The following ONECUT2 variants were observed in gnomAD, a reference collection of about 807,000 sequenced individuals.
ONECUT2 encodes one cut domain family member 2.
In ONECUT2, 10 loss-of-function variants were observed where a neutral mutation model predicts 27.9. The ratio of observed to expected loss-of-function variants is 0.36; its 90% confidence interval spans 0.22 to 0.61. The LOEUF is 0.61. ONECUT2 is among the 20% of genes least tolerant of loss of function. The pLI is 0.73. For missense variants in ONECUT2, 686 were observed against 721.0 expected, an observed-to-expected ratio of 0.95 and a Z score of 0.56; for synonymous variants, 334 against 315.1, an observed-to-expected ratio of 1.06 and a Z score of -0.64.
At position 57,436,678 on chromosome 18, in the gene ONECUT2, G is replaced by T. The variant is rs772464898; in HGVS notation, c.962G>T (p.Gly321Val). The T allele has an allele frequency of 1.9e-6, 3 of 1,613,052 alleles. No homozygotes were observed. The highest frequency in any genetic ancestry group is 2.2e-5 in the East Asian group (1 of 44,892). Residue 321 changes from glycine to valine, a missense_variant, in exon 1 of 2, where the codon GGC (glycine) becomes GTC (valine). Gly to Val is a moderately radical substitution (Grantham distance 109). Transcript: ENST00000491143. The surrounding 1 kb of genome is among the most constrained non-coding windows in gnomAD (Gnocchi z 5.9). Reference sequence around the variant, plus strand: ...GAGCGGCCACCCTCGTCCTCATCGGGCTCGCAGGTGGCCACGTCGGGCCAG... The same window carrying T: ...GAGCGGCCACCCTCGTCCTCATCGGTCTCGCAGGTGGCCACGTCGGGCCAG... ...SRERPPSSSS[G>V]SQVATSGQLE...
At position 57,482,649 on chromosome 18, in the gene ONECUT2, AC is replaced by A; in HGVS notation, c.*5927del. The A allele has an allele frequency of 6.6e-6, 1 of 152,342 alleles. No homozygotes were observed. The highest frequency in any genetic ancestry group is 1.9e-4 in the East Asian group (1 of 5,186). 9.4% of individuals were successfully genotyped at this position (152,342 alleles called of 1,614,324 possible). A position where few individuals can be genotyped will look rare whatever the true frequency, so the allele number is the denominator to read the frequency against. On this transcript the variant is annotated 3_prime_UTR_variant, in exon 2 of 2. Transcript: ENST00000491143. The stretch of plus-strand genomic sequence containing the variant: ...GCAGATAAGTGTGCCTAAGGTTTAT[AC>A]AGTCTGTCCGCTTGGATGTATACAA...
intron 1 of ONECUT2, among the ~76,000 whole-genome samples, chr18:57,468,018 A>T (rs1269552894): frequency 6.6e-6 from 1 of 152,236 alleles, no homozygotes; most frequent in Admixed American, 6.5e-5. Context: ...TAGGTGGTTC[A>T]CGCTGGAGTA....
intron 1 of ONECUT2, among the ~76,000 whole-genome samples, chr18:57,473,917 C>T (rs2050367921): frequency 6.6e-6 from 1 of 152,178 alleles, no homozygotes; most frequent in African/African-American, 2.4e-5. Flanking sequence ...AAGAAGAAAT[C>T]ATTACCGGTA....
chr18:57,465,625 T>A (rs1407580059), intron 1 of ONECUT2, among the ~76,000 whole-genome samples: 1 of 152,240 alleles, frequency 6.6e-6, no homozygotes, highest in Non-Finnish European at 1.5e-5. Flanking sequence ...CTGGAAGATA[T>A]TATCTGGTAA....
intron 1 of ONECUT2, among the ~76,000 whole-genome samples, chr18:57,448,567 C>T (rs1481374643): frequency 2.0e-5 from 3 of 152,216 alleles, no homozygotes; most frequent in Admixed American, 2.0e-4. Context: ...TTTCTTCCAG[C>T]TGTGTAGTCT....
Position 57,479,037 on chromosome 18 carries a change from A to G in ONECUT2, c.*2314A>G, listed in dbSNP as rs1189353682. ...TGCTCAGCAGAGGGTAGGGAATAAC[A>G]TTATCACTTGAATGTTCTTTGCTTA... On this transcript the variant is annotated 3_prime_UTR_variant, in exon 2 of 2. Transcript: ENST00000491143. 6.6e-6 allele frequency: 1 copy of G among 152,562 alleles called. No homozygotes were observed. The highest frequency in any genetic ancestry group is 6.5e-5 in the Admixed American group (1 of 15,278). 9.5% of individuals were successfully genotyped at this position (152,562 alleles called of 1,614,324 possible).
chr18:57,447,083 G>A (rs1568119347), intron 1 of ONECUT2, among the ~76,000 whole-genome samples: 1 of 152,348 alleles, frequency 6.6e-6, no homozygotes, highest in East Asian at 1.9e-4. Context: ...CCCCTGGAAA[G>A]AGAAAAAGTG....
At chr18:57,456,898 C>T (rs759033516) in intron 1 of ONECUT2, among the ~76,000 whole-genome samples, 1 of 152,140 alleles carries the variant, frequency 6.6e-6, no homozygotes, top group Non-Finnish European at 1.5e-5. Context: ...ATTGCTTGAG[C>T]CTGAGTTCTG....
At position 57,436,770 on chromosome 18, in the gene ONECUT2, C is replaced by T. The variant is rs1296744384; in HGVS notation, c.1054C>T (p.Pro352Ser). 6.2e-7 allele frequency: 1 copy of T among 1,613,920 alleles called. No homozygotes were observed. The highest frequency in any genetic ancestry group is 1.3e-5 in the African/African-American group (1 of 74,950). The change falls in exon 1 of 2, where the codon CCC becomes TCC. Residue 352 changes from proline to serine, a missense_variant. Around this residue, in one of 4 missense-constraint regions of ONECUT2, gnomAD observed 47 missense variants for 86.0 expected, o/e 0.55. Transcript: ENST00000491143. The surrounding 1 kb of genome is among the most constrained non-coding windows in gnomAD (Gnocchi z 5.9). The part of the protein sequence containing the change: ...ITAELKRYSI[P>S]QAIFAQRVLC... Reference sequence around the variant, plus strand: ...AGCGGAGCTGAAGCGCTACAGTATCCCCCAGGCGATCTTTGCGCAGAGGGT... The same window carrying T: ...AGCGGAGCTGAAGCGCTACAGTATCTCCCAGGCGATCTTTGCGCAGAGGGT...
chr18:57,489,404 G>A lies in ONECUT2; in HGVS notation c.*12681G>A, dbSNP rs1419566181. ...TTTGCTCCCATCTCAGGGGGCAGGG[G>A]CAGTGCACATTGCCTATGCTGTTGA... On this transcript the variant is annotated 3_prime_UTR_variant, in exon 2 of 2. Coordinates refer to ENST00000491143, the MANE Select transcript of ONECUT2 (RefSeq NM_004852.3). The A allele has an allele frequency of 6.6e-6, 1 of 152,196 alleles. No individual in the cohort carries two copies. The highest frequency in any genetic ancestry group is 1.5e-5 in the Non-Finnish European group (1 of 68,062). The allele number at this position is 152,196 out of a possible 1,614,324, so 9.4% of individuals were successfully genotyped here. A position where few individuals can be genotyped will look rare whatever the true frequency, so the allele number is the denominator to read the frequency against.
intron 1 of ONECUT2, among the ~76,000 whole-genome samples, chr18:57,464,894 G>T (rs1022201244): frequency 2.6e-5 from 4 of 152,154 alleles, no homozygotes; most frequent in Non-Finnish European, 2.9e-5. Context: ...TAGTAAGCTA[G>T]AGTATGTCTT....
chr18:57,436,030 C>G lies in ONECUT2; in HGVS notation c.314C>G (p.Ala105Gly). The G allele has an allele frequency of 6.4e-7, 1 of 1,569,776 alleles. No individual in the cohort carries two copies. The highest frequency in any genetic ancestry group is 8.6e-7 in the Non-Finnish European group (1 of 1,163,764). Residue 105 changes from alanine (A) to glycine (G), a missense_variant, in exon 1 of 2, where the codon GCC (alanine) becomes GGC (glycine). This residue lies in a region of ONECUT2 where 511 missense variants were observed against 488.1 expected (regional missense o/e 1.05). Coordinates refer to ENST00000491143, the MANE Select transcript of ONECUT2 (RefSeq NM_004852.3). This position sits in a 1 kb window ranked among gnomAD's most constrained non-coding sequence, Gnocchi z 5.9. The stretch of plus-strand genomic sequence containing the variant: ...GCGGCAGCGGCGGCGTCGCGCTCGG[C>G]CATGGTCACCAGCATGGCCTCGATC... ...AAAAAAASRS[A>G]MVTSMASILD...
intron 1 of ONECUT2, among the ~76,000 whole-genome samples, chr18:57,447,702 A>G (rs2050208430): frequency 6.6e-6 from 1 of 152,086 alleles, no homozygotes; most frequent in Non-Finnish European, 1.5e-5. Context: ...CCCCAGGTAT[A>G]CACAAACGGA....
rs940965410 is a variant in ONECUT2 at position 57,478,499 on chromosome 18, A to C, written c.*1776A>C. ...ATGGAAATCACCACCAATAAGAAGG[A>C]AGCACGCCAGAAAATAAACGAAAAC... On this transcript the variant is annotated 3_prime_UTR_variant, in exon 2 of 2. Transcript: ENST00000491143. 19 of 152,672 alleles carry C rather than the reference A, an allele frequency of 1.2e-4. No individual in the cohort carries two copies. Among genetic ancestry groups the C allele is most frequent in the African/African-American group, 4.3e-4 (18 of 41,474 alleles). The allele number at this position is 152,672 out of a possible 1,614,324, so 9.5% of individuals were successfully genotyped here. A position where few individuals can be genotyped will look rare whatever the true frequency, so the allele number is the denominator to read the frequency against.
intron 1 of ONECUT2, among the ~76,000 whole-genome samples, chr18:57,442,098 TGG>T (rs60622638): frequency 0.1 from 15,483 of 152,002 alleles, 965 homozygotes; most frequent in South Asian, 0.17. Flanking sequence ...TTCCCGCTTG[TGG>T]GGGACACCAC....
chr18:57,465,515 A>C (rs758932911), intron 1 of ONECUT2, among the ~76,000 whole-genome samples: 4 of 151,980 alleles, frequency 2.6e-5, no homozygotes, highest in Non-Finnish European at 5.9e-5. Context: ...ACAAATTGCT[A>C]TTTTCTTCTT....
intron 1 of ONECUT2, among the ~76,000 whole-genome samples, chr18:57,446,754 A>G (rs2050202063): frequency 6.6e-6 from 1 of 152,212 alleles, no homozygotes; most frequent in African/African-American, 2.4e-5. Context: ...GGAGAAATCA[A>G]CAGTTCTGCT....
intron 1 of ONECUT2, among the ~76,000 whole-genome samples, chr18:57,460,555 TTC>T (rs1456279328): frequency 1.3e-5 from 2 of 152,192 alleles, no homozygotes; most frequent in Non-Finnish European, 2.9e-5. Flanking sequence ...TCTCCTCATC[TTC>T]TGTTTCTACA....
At chr18:57,456,544 A>G (rs2050260509) in intron 1 of ONECUT2, among the ~76,000 whole-genome samples, 1 of 152,250 alleles carries the variant, frequency 6.6e-6, no homozygotes, top group Admixed American at 6.5e-5. Context: ...AGAATAGTCA[A>G]ACTCATAGAA....
Sources: gnomAD v4.1 joint callset for allele counts (sites outside exome capture counted in the v4.1 genomes callset) on GRCh38, gnomAD v4.1.1 for gene constraint, gnomAD v4.1.1 regional missense constraint, Gnocchi (gnomAD v3.1) non-coding constraint, MANE v1.5 for transcripts, NCBI Gene and HGNC (gene_info 2026-07-23, HGNC 2026-07-21) for gene names.